CYLC2: variants seen among roughly 807,000 people sequenced by gnomAD.
CYLC2 encodes cylicin 2.
A neutral mutation model predicts 26.1 loss-of-function variants in CYLC2; 30 were observed. The observed-to-expected ratio is 1.15, with a 90% CI of 0.86 to 1.56. The LOEUF (loss-of-function observed/expected upper bound fraction) is 1.56. CYLC2 is among the 40% of genes most tolerant of loss of function. CYLC2 has a pLI of 0.00. For synonymous variants in CYLC2, 158 were observed against 132.8 expected, an observed-to-expected ratio of 1.19 and a Z score of -1.31; for missense variants, 498 against 394.4, an observed-to-expected ratio of 1.26 and a Z score of -2.23.
At position 103,005,346 on chromosome 9, in the gene CYLC2, G is replaced by T. The variant is rs1330639871; in HGVS notation, c.715G>T (p.Ala239Ser). The T allele has an allele frequency of 6.2e-7, 1 of 1,613,744 alleles. No individual in the cohort carries two copies. Among genetic ancestry groups the T allele is most frequent in the Admixed American group, 1.7e-5 (1 of 59,966 alleles). Residue 239 changes from alanine to serine, a missense_variant, in exon 5 of 8, where the codon GCA (alanine) becomes TCA (serine). Ala to Ser is a moderately conservative substitution (Grantham distance 99). Coordinates refer to ENST00000374798, the MANE Select transcript of CYLC2 (RefSeq NM_001340.5). Reference protein sequence around the residue: ...DSAIELQAVKADEKKDEDGKK... With the variant: ...DSAIELQAVKSDEKKDEDGKK... Reference sequence around the variant, plus strand: ...AGCCATAGAATTACAAGCTGTAAAAGCAGATGAAAAGAAGGATGAGGATGG... The same window carrying T: ...AGCCATAGAATTACAAGCTGTAAAATCAGATGAAAAGAAGGATGAGGATGG...
intron 1 of CYLC2, among the ~76,000 whole-genome samples, chr9:103,000,408 C>T (rs575740066): frequency 2.0e-4 from 31 of 151,868 alleles, no homozygotes; most frequent in Non-Finnish European, 4.4e-4. Context: ...CTTTCCTCTT[C>T]GAGAGCATTT....
chr9:103,001,154 G>C (rs922748375), intron 1 of CYLC2, among the ~76,000 whole-genome samples: 4 of 151,780 alleles, frequency 2.6e-5, no homozygotes, highest in African/African-American at 9.7e-5. Flanking sequence ...TAAGCGTAGA[G>C]TTTACAAAGT....
Position 102,995,406 on chromosome 9 carries a change from A to T in CYLC2, c.17+9A>T, listed in dbSNP as rs1829226902. ...ATGTCTCTCCCAAGATTGTAAGTCA[A>T]ATTTTATGTTTTAAAATAACTGAAA... On this transcript the variant is annotated intron_variant, in intron 1 of 7. Coordinates refer to ENST00000374798, the MANE Select transcript of CYLC2 (RefSeq NM_001340.5). 1.3e-6 allele frequency: 2 copies of T among 1,597,080 alleles called. No homozygotes were observed. Among genetic ancestry groups the T allele is most frequent in the African/African-American group, 1.3e-5 (1 of 74,488 alleles).
chr9:102,996,151 T>C lies in CYLC2; in HGVS notation c.17+754T>C, dbSNP rs537386917. Among the ~76,000 whole-genome samples the C allele has an allele frequency of 5.9e-5, 9 of 151,912 alleles. No individual in the cohort carries two copies. In the South Asian group the frequency reaches 8.3e-4, roughly 14 times the overall value. Reference sequence around the variant, plus strand: ...TAAAACATGAATATTAAAAATAAAATAGGCTTTCCATAGATACTGGTGCCC... The same window carrying C: ...TAAAACATGAATATTAAAAATAAAACAGGCTTTCCATAGATACTGGTGCCC... On this transcript the variant is annotated intron_variant, in intron 1 of 7. Transcript: ENST00000374798.
At chr9:103,016,539 AG>A (rs1829508515) in intron 6 of CYLC2, among the ~76,000 whole-genome samples, 2 of 152,034 alleles carry the variant, frequency 1.3e-5, no homozygotes, top group South Asian at 4.1e-4. Context: ...TACTACTACT[AG>A]GGCATTTTAT....
At chr9:103,000,104 C>T (rs1047855977) in intron 1 of CYLC2, among the ~76,000 whole-genome samples, 2 of 151,698 alleles carry the variant, frequency 1.3e-5, no homozygotes, top group African/African-American at 4.8e-5. Context: ...AAGTTATTCT[C>T]TATGAACTTT....
intron 2 of CYLC2, among the ~76,000 whole-genome samples, chr9:103,001,893 A>C (rs572012205): frequency 1.2e-4 from 19 of 152,180 alleles, no homozygotes; most frequent in Non-Finnish European, 2.6e-4. Flanking sequence ...CTTACAGTTG[A>C]AAAGCAATGT....
chr9:103,017,638 T>C lies in CYLC2; in HGVS notation c.*890+677T>C, dbSNP rs145729442. Among the ~76,000 whole-genome samples the C allele has an allele frequency of 2.0e-3, 301 of 152,184 alleles. 2 individuals carry two copies. The highest frequency in any genetic ancestry group is 7.1e-3 in the African/African-American group (294 of 41,568). On this transcript the variant is annotated intron_variant, in intron 7 of 7. Transcript: ENST00000374798. The stretch of plus-strand genomic sequence containing the variant: ...AGGACAAAGAATATCAATTGGTCCC[T>C]CTGTAACTTTTCCTAGATATAGTTG...
At position 103,006,986 on chromosome 9, in the gene CYLC2, A is replaced by T. The variant is rs185714464; in HGVS notation, c.*700+608A>T. Among the ~76,000 whole-genome samples, 782 of 152,254 alleles carry T rather than the reference A, an allele frequency of 5.1e-3. 4 individuals carry two copies. Among genetic ancestry groups the T allele is most frequent in the Non-Finnish European group, 7.9e-3 (537 of 68,018 alleles). ...TCAATTAGCAAGATTTCAGGATTCC[A>T]CAATGTATACATGCTTCATAACATC... On this transcript the variant is annotated intron_variant, in intron 5 of 7. Coordinates refer to ENST00000374798, the MANE Select transcript of CYLC2 (RefSeq NM_001340.5).
rs1034978259 is a variant in CYLC2 at position 102,995,385 on chromosome 9, C to G, written c.5C>G (p.Ser2Cys). ...GGCAAGTCATAAGTGGGGAAAATGT[C>G]TCTCCCAAGATTGTAAGTCAAATTT... M[S>C]LPRFQRVNFG... The change falls in exon 1 of 8, where the codon TCT becomes TGT. Residue 2 changes from serine (S) to cysteine (C), a missense_variant. Transcript: ENST00000374798. 7 of 1,604,710 alleles carry G rather than the reference C, an allele frequency of 4.4e-6. No homozygotes were observed. The highest frequency in any genetic ancestry group is 4.3e-6 in the Non-Finnish European group (5 of 1,172,218).
At chr9:103,004,891 T>C in intron 4 of CYLC2, 40 bp downstream of exon 4, 1 of 1,583,270 alleles carries the variant, frequency 6.3e-7, no homozygotes, top group East Asian at 2.2e-5. Flanking sequence ...CTCTGTAATT[T>C]TCTGATTAGA....
chr9:103,014,236 T>C (rs1182292190), intron 6 of CYLC2, among the ~76,000 whole-genome samples: 1 of 125,668 alleles, frequency 8.0e-6, no homozygotes. Context: ...ATAATATATA[T>C]GTATGTAATA....
chr9:103,018,127 T>C (rs1829525585), intron 7 of CYLC2, among the ~76,000 whole-genome samples, 198 bp from the exon 8 acceptor site: 1 of 152,052 alleles, frequency 6.6e-6, no homozygotes, highest in Non-Finnish European at 1.5e-5. Flanking sequence ...GGTTCTGAAG[T>C]AGTATCTTCA....
intron 1 of CYLC2, among the ~76,000 whole-genome samples, chr9:102,997,742 T>G (rs946014661): frequency 2.0e-5 from 3 of 151,956 alleles, no homozygotes; most frequent in African/African-American, 7.2e-5. Flanking sequence ...CCACTATATA[T>G]TTTTAAAACA....
At chr9:103,002,093 A>T (rs1251334654) in intron 2 of CYLC2, among the ~76,000 whole-genome samples, 1 of 152,044 alleles carries the variant, frequency 6.6e-6, no homozygotes, top group African/African-American at 2.4e-5. Context: ...TTTTTTCTGT[A>T]CATTTTTCCC....
chr9:103,014,023 T>G (rs1218686312), intron 6 of CYLC2, among the ~76,000 whole-genome samples: 100 of 115,560 alleles, frequency 8.7e-4, no homozygotes, highest in Middle Eastern at 0.012. Flanking sequence ...ATTAAATATA[T>G]TATTCATATT....
chr9:103,008,142 C>T (rs557389673), intron 5 of CYLC2, among the ~76,000 whole-genome samples: 2 of 145,378 alleles, frequency 1.4e-5, no homozygotes, highest in East Asian at 4.2e-4. Context: ...ATTTCAAATC[C>T]TCTTTTTCCT....
At chr9:103,015,621 T>C (rs1829496485) in intron 6 of CYLC2, among the ~76,000 whole-genome samples, 1 of 147,076 alleles carries the variant, frequency 6.8e-6, no homozygotes, top group Non-Finnish European at 1.5e-5. Context: ...TTAAAGTATG[T>C]CTCTTGAGTG....
rs1296517777 is a variant in CYLC2 at position 102,995,407 on chromosome 9, A to G, written c.17+10A>G. 1.3e-6 allele frequency: 2 copies of G among 1,595,704 alleles called. No individual in the cohort carries two copies. The highest frequency in any genetic ancestry group is 1.7e-6 in the Non-Finnish European group (2 of 1,164,098). On this transcript the variant is annotated intron_variant, in intron 1 of 7. Coordinates refer to ENST00000374798, the MANE Select transcript of CYLC2 (RefSeq NM_001340.5). ...TGTCTCTCCCAAGATTGTAAGTCAA[A>G]TTTTATGTTTTAAAATAACTGAAAT... is the stretch of plus-strand genomic sequence containing the variant.
Sources: gnomAD v4.1 joint callset for allele counts (sites outside exome capture counted in the v4.1 genomes callset) on GRCh38, gnomAD v4.1.1 for gene constraint, MANE v1.5 for transcripts, NCBI Gene and HGNC (gene_info 2026-07-23, HGNC 2026-07-21) for gene names.